CAMKMT: variants seen among roughly 807,000 people sequenced by gnomAD.
CAMKMT encodes CaM KMT.
CAMKMT carries 53 observed loss-of-function variants against 48.0 expected under a neutral mutation model. That is an observed-to-expected ratio of 1.10 (90% CI 0.89 to 1.39). The LOEUF (loss-of-function observed/expected upper bound fraction) is 1.39, where lower values mean the gene tolerates loss of function less well. Among genes scored for constraint, CAMKMT ranks in the 40% most tolerant of loss-of-function variants. The probability of loss-of-function intolerance (pLI) is 0.00; values close to 1 mark genes in which losing one functional copy is unlikely to be tolerated. For synonymous variants in CAMKMT, 165 were observed against 152.3 expected, an observed-to-expected ratio of 1.08 and a Z score of -0.61; for missense variants, 428 against 402.7, an observed-to-expected ratio of 1.06 and a Z score of -0.54.
chr2:44,427,674 T>C (rs1684364383), intron 3 of CAMKMT, among the ~76,000 whole-genome samples: 1 of 152,214 alleles, frequency 6.6e-6, no homozygotes, highest in African/African-American at 2.4e-5. Context: ...AATGTGTATA[T>C]GTATTTTTTT....
Position 44,498,904 on chromosome 2 carries a change from G to A in CAMKMT, c.376+108599G>A, listed in dbSNP as rs112375342. Among the ~76,000 whole-genome samples the A allele has an allele frequency of 5.1e-3, 771 of 152,236 alleles. 6 individuals are homozygous for A. The highest frequency in any genetic ancestry group is 0.016 in the African/African-American group (679 of 41,522). On this transcript the variant is annotated intron_variant, in intron 3 of 10. Transcript: ENST00000378494. ...TGAGCACTTTCAAGTCTTGAATTTTGTGGTAATGGCGGGGGTTGGGGGAGG... is the reference window on the plus strand; with the variant it reads ...TGAGCACTTTCAAGTCTTGAATTTTATGGTAATGGCGGGGGTTGGGGGAGG...
chr2:44,737,562 G>A (rs1573202371), intron 7 of CAMKMT, among the ~76,000 whole-genome samples: 1 of 152,120 alleles, frequency 6.6e-6, no homozygotes, highest in Non-Finnish European at 1.5e-5. Flanking sequence ...TAAATTATGA[G>A]GTTTTCTAAT....
chr2:44,539,750 T>A (rs946323517), intron 3 of CAMKMT, among the ~76,000 whole-genome samples: 2 of 152,170 alleles, frequency 1.3e-5, no homozygotes, highest in Non-Finnish European at 2.9e-5. Flanking sequence ...GTTTGTCTTC[T>A]GTTTTCTCAT....
At position 44,642,161 on chromosome 2, in the gene CAMKMT, A is replaced by G. The variant is rs556944551; in HGVS notation, c.377-62122A>G. Among the ~76,000 whole-genome samples the G allele has an allele frequency of 3.9e-5, 6 of 152,348 alleles. No individual in the cohort carries two copies. In the South Asian group the frequency reaches 6.2e-4, roughly 16 times the overall value. On this transcript the variant is annotated intron_variant, in intron 3 of 10. Transcript: ENST00000378494. ...TATATAAAAATAATTAGTGGAAACT[A>G]TTTGTAAAGGAAGATACATTTACCT...
chr2:44,437,058 T>A (rs1666307365), intron 3 of CAMKMT, among the ~76,000 whole-genome samples: 1 of 152,164 alleles, frequency 6.6e-6, no homozygotes, highest in Non-Finnish European at 1.5e-5. Context: ...TTTTTAAAAA[T>A]CTTACCTCCT....
At chr2:44,697,236 A>G (rs1677004164) in intron 3 of CAMKMT, among the ~76,000 whole-genome samples, 1 of 152,110 alleles carries the variant, frequency 6.6e-6, no homozygotes, top group Non-Finnish European at 1.5e-5. Context: ...CCCTTTTTCA[A>G]GAAACTACTG....
At chr2:44,560,551 C>T (rs547746247) in intron 3 of CAMKMT, among the ~76,000 whole-genome samples, 29 of 152,252 alleles carry the variant, frequency 1.9e-4, no homozygotes, top group East Asian at 3.9e-4. Context: ...GGATTATAGG[C>T]GTGAGCCACG....
chr2:44,362,163 C>T lies in CAMKMT; in HGVS notation c.138+18C>T, dbSNP rs1370872907. 2.8e-6 allele frequency: 4 copies of T among 1,454,374 alleles called. No individual in the cohort carries two copies. The highest frequency in any genetic ancestry group is 3.6e-6 in the Non-Finnish European group (4 of 1,115,142). 90.1% of individuals were successfully genotyped at this position (1,454,374 alleles called of 1,614,324 possible). Reference sequence around the variant, plus strand: ...TGCGGCAGGTAAGGGAGAACCTGCTCGCCTCACCTTTGCCTCTGGTCACTC... The same window carrying T: ...TGCGGCAGGTAAGGGAGAACCTGCTTGCCTCACCTTTGCCTCTGGTCACTC... On this transcript the variant is annotated intron_variant, in intron 1 of 10. Coordinates refer to ENST00000378494, the MANE Select transcript of CAMKMT (RefSeq NM_024766.5).
intron 3 of CAMKMT, among the ~76,000 whole-genome samples, chr2:44,617,972 C>T (rs1182634506): frequency 2.0e-5 from 3 of 152,182 alleles, no homozygotes; most frequent in Non-Finnish European, 4.4e-5. Context: ...AAGCATACAA[C>T]TATCAAACTT....
At chr2:44,513,576 G>C (rs1027843553) in intron 3 of CAMKMT, among the ~76,000 whole-genome samples, 1 of 152,100 alleles carries the variant, frequency 6.6e-6, no homozygotes, top group African/African-American at 2.4e-5. Context: ...TCAAGTTCTT[G>C]GTACACAAGA....
At chr2:44,577,209 A>G (rs1669270268) in intron 3 of CAMKMT, among the ~76,000 whole-genome samples, 1 of 152,240 alleles carries the variant, frequency 6.6e-6, no homozygotes, top group Non-Finnish European at 1.5e-5. Context: ...TTTTTAAATT[A>G]TAACTTTCAA....
In CAMKMT at chr2:44,737,073, C is replaced by T. The variant is rs564489860; in HGVS notation, c.624-6549C>T. On this transcript the variant is annotated intron_variant, in intron 7 of 10. Coordinates refer to ENST00000378494, the MANE Select transcript of CAMKMT (RefSeq NM_024766.5). ...ATACTAGGTATTTTGAATTTTACTTCGTTGGGATCTGAATGTTTTTATATT... is the reference window on the plus strand; with the variant it reads ...ATACTAGGTATTTTGAATTTTACTTTGTTGGGATCTGAATGTTTTTATATT... Among the ~76,000 whole-genome samples the T allele has an allele frequency of 2.6e-5, 4 of 152,120 alleles. No homozygotes were observed. In the East Asian group the frequency reaches 5.8e-4, roughly 22 times the overall value.
At chr2:44,404,185 T>G (rs1682620364) in intron 3 of CAMKMT, among the ~76,000 whole-genome samples, 1 of 152,138 alleles carries the variant, frequency 6.6e-6, no homozygotes, top group South Asian at 2.1e-4. Context: ...ACTTATTATT[T>G]AAAAAAGCAA....
chr2:44,414,428 C>T (rs867751717), intron 3 of CAMKMT, among the ~76,000 whole-genome samples: 12 of 152,220 alleles, frequency 7.9e-5, no homozygotes, highest in Middle Eastern at 3.4e-3. Context: ...TCCGGGGTCA[C>T]TCACATGGTT....
At chr2:44,461,334 C>G (rs149681632) in intron 3 of CAMKMT, among the ~76,000 whole-genome samples, 111 of 151,906 alleles carry the variant, frequency 7.3e-4, no homozygotes, top group Middle Eastern at 3.4e-3. Context: ...CATTAAATAT[C>G]TCATTAAAAA....
chr2:44,691,104 G>A lies in CAMKMT; in HGVS notation c.377-13179G>A, dbSNP rs112667438. On this transcript the variant is annotated intron_variant, in intron 3 of 10. Transcript: ENST00000378494. ...TATTATTACTTTCAGATAAGGAATC[G>A]GGGAAGGAGAAGTTAAATGACTTGC... Among the ~76,000 whole-genome samples, 575 of 152,278 alleles carry A rather than the reference G, an allele frequency of 3.8e-3. 4 individuals are homozygous for A. Among genetic ancestry groups the A allele is most frequent in the African/African-American group, 0.013 (535 of 41,558 alleles).
At chr2:44,362,203 G>C (rs1488139615) in intron 1 of CAMKMT, 58 bp downstream of exon 1, 51 of 1,362,246 alleles carry the variant, frequency 3.7e-5, no homozygotes, top group Non-Finnish European at 4.4e-5. Flanking sequence ...CTCACGTACC[G>C]GGGGAGCGAC....
At chr2:44,475,812 A>T (rs1668658882) in intron 3 of CAMKMT, among the ~76,000 whole-genome samples, 1 of 152,242 alleles carries the variant, frequency 6.6e-6, no homozygotes, top group African/African-American at 2.4e-5. Flanking sequence ...TGATGGACCT[A>T]CGAACAGGAC....
intron 3 of CAMKMT, among the ~76,000 whole-genome samples, chr2:44,585,252 C>T (rs961359686): frequency 2.0e-5 from 3 of 152,182 alleles, no homozygotes; most frequent in South Asian, 2.1e-4. Flanking sequence ...TGGGTAGTCA[C>T]TGTCTTGGCT....
Sources: gnomAD v4.1 joint callset for allele counts (sites outside exome capture counted in the v4.1 genomes callset) on GRCh38, gnomAD v4.1.1 for gene constraint, MANE v1.5 for transcripts, NCBI Gene and HGNC (gene_info 2026-07-23, HGNC 2026-07-21) for gene names.